Variants in WWC2 observed in about 807,000 individuals in gnomAD.
The protein encoded by WWC2 is protein WWC2.
WWC2 carries 101 observed loss-of-function variants against 138.5 expected under a neutral mutation model. That is an observed-to-expected ratio of 0.73 (90% CI 0.62 to 0.86). The LOEUF (loss-of-function observed/expected upper bound fraction) is 0.86. Ranked by LOEUF, WWC2 falls within the 40% of genes least tolerant of loss-of-function variation. WWC2 has a pLI of 0.00. For synonymous variants in WWC2, 558 were observed against 538.4 expected (o/e 1.04, Z -0.50); for missense variants, 1,420 against 1,419.4 (o/e 1.00, Z -0.01).
chr4:183,107,074 A>G (rs1042326870), intron 1 of WWC2, among the ~76,000 whole-genome samples: 1 of 151,520 alleles, frequency 6.6e-6, no homozygotes, highest in African/African-American at 2.4e-5. Context: ...ATCCTCACCA[A>G]CACTTCTCTC....
intron 2 of WWC2, 123 bp downstream of exon 2, chr4:183,193,831 A>G (rs919836376): frequency 1.2e-6 from 1 of 806,372 alleles, no homozygotes; most frequent in Non-Finnish European, 2.0e-6. Context: ...CTTAGTGACT[A>G]ATATTTAACT....
chr4:183,189,483 A>G lies in WWC2; in HGVS notation c.132-4116A>G, dbSNP rs115759278. 7.3e-3 allele frequency among the ~76,000 whole-genome samples: 1,106 copies of G among 152,088 alleles called. 19 individuals carry two copies. The highest frequency in any genetic ancestry group is 0.025 in the African/African-American group (1,041 of 41,486). On this transcript the variant is annotated intron_variant, in intron 1 of 22. Transcript: ENST00000403733. ...TTCGAGGGAACTAATTGACATCATT[A>G]TAAATGAAGATTCTTTTAGGACTGT...
At chr4:183,245,300 C>T in intron 5 of WWC2, 116 bp from the exon 6 acceptor site, 1 of 727,574 alleles carries the variant, frequency 1.4e-6, no homozygotes. Flanking sequence ...TGGTATATGA[C>T]AGTCAGCAGT....
chr4:183,288,688 G>A (rs1738333095), intron 20 of WWC2, among the ~76,000 whole-genome samples: 1 of 152,158 alleles, frequency 6.6e-6, no homozygotes, highest in Non-Finnish European at 1.5e-5. Context: ...ATTCATATAT[G>A]TTCAATAATT....
In WWC2 at chr4:183,301,889, A is replaced by AC. The variant is rs1738853067; in HGVS notation, c.3385-10452_3385-10451insC. On this transcript the variant is annotated intron_variant, in intron 21 of 22. Transcript: ENST00000403733. Reference sequence around the variant, plus strand: ...TATTTTTTTATGCAACATGTGTGTTAGTGTTATTTGAAAGAGTTATACAAA... The same window carrying AC: ...TATTTTTTTATGCAACATGTGTGTTACGTGTTATTTGAAAGAGTTATACAAA... Among the ~76,000 whole-genome samples, 3 of 152,300 alleles carry AC rather than the reference A, an allele frequency of 2.0e-5. No homozygotes were observed. The South Asian group carries it at 6.2e-4, about 32-fold the overall frequency.
At chr4:183,158,333 G>T (rs1178875243) in intron 1 of WWC2, among the ~76,000 whole-genome samples, 1 of 152,080 alleles carries the variant, frequency 6.6e-6, no homozygotes, top group Non-Finnish European at 1.5e-5. Context: ...TGACTGGGTG[G>T]CTTAGACAAC....
rs368422147 is a variant in WWC2 at position 183,269,139 on chromosome 4, T to C, written c.2376T>C (p.Ser792=). ...TGAGGGTAGACCTTTGCTCTGTCAG[T>C]AAACACCGAAGGGAAGAATGCCTGG... ...KTLRVDLCSV[S]KHRREECLAG... The change falls in exon 15 of 23, where the codon AGT becomes AGC. Residue 792 remains serine (S), a synonymous_variant. Transcript: ENST00000403733. 9.3e-6 allele frequency: 15 copies of C among 1,611,448 alleles called. No individual in the cohort carries two copies. The highest frequency in any genetic ancestry group is 2.2e-5 in the South Asian group (2 of 90,164).
At chr4:183,196,063 C>T (rs1735133261) in intron 2 of WWC2, among the ~76,000 whole-genome samples, 1 of 152,110 alleles carries the variant, frequency 6.6e-6, no homozygotes. Flanking sequence ...TCCGCTTACT[C>T]TCTTGCTTCC....
intron 1 of WWC2, among the ~76,000 whole-genome samples, chr4:183,178,146 A>G (rs778464564): frequency 1.4e-4 from 21 of 152,200 alleles, no homozygotes; most frequent in Non-Finnish European, 2.4e-4. Flanking sequence ...GAGTTGAGAT[A>G]TACTGAAATA....
At chr4:183,158,339 A>G (rs1483519937) in intron 1 of WWC2, among the ~76,000 whole-genome samples, 1 of 151,854 alleles carries the variant, frequency 6.6e-6, no homozygotes, top group Non-Finnish European at 1.5e-5. Context: ...GGTGGCTTAG[A>G]CAACAGAAAT....
chr4:183,275,292 C>T (rs1580137231), intron 16 of WWC2, among the ~76,000 whole-genome samples: 1 of 151,780 alleles, frequency 6.6e-6, no homozygotes, highest in East Asian at 1.9e-4. Context: ...AGTCATATGC[C>T]TTTTATTTCT....
chr4:183,212,759 T>C (rs1156953074), intron 4 of WWC2, among the ~76,000 whole-genome samples: 1 of 152,168 alleles, frequency 6.6e-6, no homozygotes, highest in African/African-American at 2.4e-5. Context: ...AAATGGAGCC[T>C]CATCCCAATC....
chr4:183,248,756 A>C lies in WWC2; in HGVS notation c.775A>C (p.Ile259Leu). ...GGAGCGGTTTCATTTGGATCAGAAC[A>C]TTGGCAGATCTGAGCCAGATTTGAG... ...LQERFHLDQN[I>L]GRSEPDLRCS... The change falls in exon 7 of 23, where the codon ATT (isoleucine) becomes CTT (leucine). Residue 259 changes from isoleucine to leucine, a missense_variant. Ile to Leu is a conservative substitution (Grantham distance 5). Transcript: ENST00000403733. 1 of 1,604,364 alleles carries C rather than the reference A, an allele frequency of 6.2e-7. No individual in the cohort carries two copies. The highest frequency in any genetic ancestry group is 1.1e-5 in the South Asian group (1 of 89,018).
chr4:183,304,726 A>G (rs578051972), intron 21 of WWC2, among the ~76,000 whole-genome samples: 1 of 152,332 alleles, frequency 6.6e-6, no homozygotes, highest in Admixed American at 6.5e-5. Flanking sequence ...GCACAGGCCT[A>G]CTAAAAGACT....
intron 1 of WWC2, among the ~76,000 whole-genome samples, chr4:183,102,287 G>A (rs112263195): frequency 3.9e-4 from 59 of 152,282 alleles, no homozygotes; most frequent in African/African-American, 1.4e-3. Flanking sequence ...CAGCCTAATT[G>A]TATTAGTGTA....
intron 2 of WWC2, among the ~76,000 whole-genome samples, chr4:183,194,643 T>A (rs1451436762): frequency 2.0e-5 from 3 of 152,196 alleles, no homozygotes; most frequent in Non-Finnish European, 4.4e-5. Context: ...TAGTGATGGC[T>A]TGCAGCTGCC....
chr4:183,201,825 T>TA (rs1735307570), intron 2 of WWC2, among the ~76,000 whole-genome samples: 1 of 152,210 alleles, frequency 6.6e-6, no homozygotes, highest in Admixed American at 6.5e-5. Context: ...AACAGGTTCT[T>TA]ACGTTCATAT....
At chr4:183,219,063 A>G (rs1325144185) in intron 4 of WWC2, among the ~76,000 whole-genome samples, 1 of 152,246 alleles carries the variant, frequency 6.6e-6, no homozygotes, top group Non-Finnish European at 1.5e-5. Flanking sequence ...CCTTGAAAAC[A>G]TTATGTTAAG....
chr4:183,270,703 G>T (rs10025529), intron 15 of WWC2, among the ~76,000 whole-genome samples: 65,990 of 151,940 alleles, frequency 0.43, 15,261 homozygotes, highest in Middle Eastern at 0.54. Flanking sequence ...GGTGGAGGTT[G>T]CAGTGAGCTG....
Sources: gnomAD v4.1 joint callset for allele counts (sites outside exome capture counted in the v4.1 genomes callset) on GRCh38, gnomAD v4.1.1 for gene constraint, MANE v1.5 for transcripts, NCBI Gene and HGNC (gene_info 2026-07-23, HGNC 2026-07-21) for gene names.